Variants in ARHGAP32 observed in about 807,000 individuals in gnomAD.
ARHGAP32 encodes Rho GTPase activating protein 32, also known as rho GTPase-activating protein 32.
In ARHGAP32, 51 loss-of-function variants were observed where a neutral mutation model predicts 186.5. The ratio of observed to expected loss-of-function variants is 0.27; its 90% CI spans 0.22 to 0.35. The LOEUF (loss-of-function observed/expected upper bound fraction) is 0.35, where lower values mean the gene tolerates loss of function less well. ARHGAP32 is among the 10% of genes least tolerant of loss of function. The pLI is 1.00. For missense variants in ARHGAP32, 2,186 were observed against 2,623.5 expected (o/e 0.83, Z 3.64); for synonymous variants, 950 against 964.3 (o/e 0.99, Z 0.27).
At chr11:129,021,405 T>G (rs1370426573) in intron 11 of ARHGAP32, among the ~76,000 whole-genome samples, 1 of 152,066 alleles carries the variant, frequency 6.6e-6, no homozygotes. Flanking sequence ...AATAAAACTG[T>G]ATCTCTTCTC....
chr11:129,115,806 T>C (rs1282365855), intron 5 of ARHGAP32, among the ~76,000 whole-genome samples: 2 of 152,092 alleles, frequency 1.3e-5, no homozygotes, highest in Admixed American at 1.3e-4. Context: ...CCAGAGTGTT[T>C]GTGAAATACA....
At chr11:129,234,533 C>T (rs12416909) in intron 1 of ARHGAP32, among the ~76,000 whole-genome samples, 43,720 of 151,838 alleles carry the variant, frequency 0.29, 6,594 homozygotes, top group Middle Eastern at 0.4. Flanking sequence ...GTTGAAAACA[C>T]TGACAAAGTT....
intron 1 of ARHGAP32, among the ~76,000 whole-genome samples, chr11:129,265,455 C>T (rs549227758): frequency 1.3e-5 from 2 of 152,314 alleles, no homozygotes; most frequent in African/African-American, 4.8e-5. Flanking sequence ...ATCCCCTTCT[C>T]AACCCGAGTT....
upstream of ARHGAP32, among the ~76,000 whole-genome samples, chr11:129,193,959 C>CA (rs1944356537): frequency 6.7e-6 from 1 of 149,852 alleles, no homozygotes; most frequent in Non-Finnish European, 1.5e-5. Flanking sequence ...AGGCAAAGAG[C>CA]AAAAATATAA....
intron 1 of ARHGAP32, among the ~76,000 whole-genome samples, chr11:129,174,357 G>A (rs1460331061): frequency 6.6e-6 from 1 of 152,192 alleles, no homozygotes. Context: ...CGGCAGCAAG[G>A]CTCGGGGAGG....
At chr11:129,145,632 A>AAT (rs1296976008) in intron 2 of ARHGAP32, among the ~76,000 whole-genome samples, 1 of 152,130 alleles carries the variant, frequency 6.6e-6, no homozygotes, top group Non-Finnish European at 1.5e-5. Flanking sequence ...GCATGCTTGA[A>AAT]ATATAGTTTT....
At chr11:129,100,196 T>C (rs564277352) in intron 5 of ARHGAP32, among the ~76,000 whole-genome samples, 1 of 152,166 alleles carries the variant, frequency 6.6e-6, no homozygotes, top group Non-Finnish European at 1.5e-5. Context: ...GTCATGCCCA[T>C]AAGCTCAACT....
At position 128,969,941 on chromosome 11, in the gene ARHGAP32, G is replaced by C. The variant is rs1387077239; in HGVS notation, c.5272C>G (p.Leu1758Val). Residue 1758 changes from leucine to valine, a missense_variant, in exon 23 of 23, where the codon CTT (leucine) becomes GTT (valine). Coordinates refer to ENST00000682385, the MANE Select transcript of ARHGAP32 (RefSeq NM_001378024.1). The surrounding 1 kb of genome is among the most constrained non-coding windows in gnomAD (Gnocchi z 4.8). ...ATGCGGTATTTTTCCATGTCCTCAA[G>C]ATCCCATGAGGTGTAGGTGTGCTTC... is the stretch of plus-strand genomic sequence containing the variant. Reference protein sequence around the residue: ...DVKHTYTSWDLEDMEKYRMQS... With the variant: ...DVKHTYTSWDVEDMEKYRMQS... 1.2e-6 allele frequency: 2 copies of C among 1,614,178 alleles called. No individual in the cohort carries two copies. The highest frequency in any genetic ancestry group is 1.7e-6 in the Non-Finnish European group (2 of 1,180,036).
rs531837316 is a variant in ARHGAP32, at chr11:129,235,786, C to T, written c.-5+43360G>A. On this transcript the variant is annotated intron_variant, in intron 1 of 6. Transcript: ENST00000525234. ...CCTTTACATCCTCATAGCTTAGTTC[C>T]CACTCATAAGTGAGAATATAGGCTA... Among the ~76,000 whole-genome samples the T allele has an allele frequency of 2.6e-5, 4 of 152,112 alleles. No homozygotes were observed. In the East Asian group the frequency reaches 7.7e-4, roughly 29 times the overall value.
chr11:129,136,899 T>C (rs994302529), intron 2 of ARHGAP32, among the ~76,000 whole-genome samples: 51 of 152,056 alleles, frequency 3.4e-4, no homozygotes, highest in Non-Finnish European at 5.4e-4. Flanking sequence ...CACTGATTTT[T>C]TTAAACCATT....
At chr11:129,077,832 T>C (rs1030421071) in intron 6 of ARHGAP32, among the ~76,000 whole-genome samples, 1 of 152,144 alleles carries the variant, frequency 6.6e-6, no homozygotes, top group Non-Finnish European at 1.5e-5. Flanking sequence ...CCACAGCTGA[T>C]GCTCTTCAAA....
intron 1 of ARHGAP32, among the ~76,000 whole-genome samples, chr11:129,228,807 C>A (rs1033629705): frequency 1.3e-5 from 2 of 152,090 alleles, no homozygotes; most frequent in African/African-American, 4.8e-5. Flanking sequence ...CCATGGCATA[C>A]GTTTACCTAC....
chr11:129,178,759 G>C (rs1943979569), intron 1 of ARHGAP32, among the ~76,000 whole-genome samples: 1 of 151,748 alleles, frequency 6.6e-6, no homozygotes, highest in South Asian at 2.1e-4. Context: ...GCTGAAACTG[G>C]ATCCCTTCCT....
In ARHGAP32 at chr11:129,242,996, T is replaced by C. The variant is rs80258350; in HGVS notation, c.-5+36150A>G. Among the ~76,000 whole-genome samples the C allele has an allele frequency of 9.4e-3, 1,431 of 152,274 alleles. 20 individuals carry two copies. The highest frequency in any genetic ancestry group is 0.027 in the African/African-American group (1,135 of 41,550). ...TGGCTTCATCTACCACCTCTACGCA[T>C]GCAACTTAAGTACAAATCCATATTC... On this transcript the variant is annotated intron_variant, in intron 1 of 6. Transcript: ENST00000525234.
At chr11:129,032,623 G>T (rs747293334) in intron 11 of ARHGAP32, among the ~76,000 whole-genome samples, 1 of 152,192 alleles carries the variant, frequency 6.6e-6, no homozygotes, top group Non-Finnish European at 1.5e-5. Flanking sequence ...TGTGGTGGAT[G>T]CAAAGTAATT....
At chr11:129,038,261 A>G (rs1939438060) in intron 11 of ARHGAP32, among the ~76,000 whole-genome samples, 1 of 152,078 alleles carries the variant, frequency 6.6e-6, no homozygotes, top group African/African-American at 2.4e-5. Context: ...GTGCTAGAAC[A>G]ATTGGATAAC....
At chr11:129,028,374 C>A (rs531822904) in intron 11 of ARHGAP32, among the ~76,000 whole-genome samples, 1 of 152,056 alleles carries the variant, frequency 6.6e-6, no homozygotes, top group Non-Finnish European at 1.5e-5. Context: ...TAAGGAAACA[C>A]GTTAGTGAAG....
At chr11:129,216,409 C>A (rs1944646193) in intron 1 of ARHGAP32, among the ~76,000 whole-genome samples, 1 of 151,952 alleles carries the variant, frequency 6.6e-6, no homozygotes, top group African/African-American at 2.4e-5. Context: ...AGGCCGGTGG[C>A]AGTGGCTCAC....
At chr11:129,226,412 G>A (rs1164144365) in intron 1 of ARHGAP32, among the ~76,000 whole-genome samples, 2 of 152,138 alleles carry the variant, frequency 1.3e-5, no homozygotes, top group African/African-American at 4.8e-5. Context: ...AAGATTAACA[G>A]CTGGTTTCTG....
Sources: allele counts gnomAD v4.1 joint callset (sites outside exome capture counted in the v4.1 genomes callset), GRCh38; gene constraint gnomAD v4.1.1; non-coding constraint Gnocchi (gnomAD v3.1); transcripts MANE v1.5; gene names NCBI Gene and HGNC (gene_info 2026-07-23, HGNC 2026-07-21).